NEDD4L: variants seen among roughly 807,000 people sequenced by gnomAD.
NEDD4L encodes the protein E3 ubiquitin-protein ligase NEDD4-like.
NEDD4L carries 54 observed loss-of-function variants against 148.9 expected under a neutral mutation model. That is an observed-to-expected ratio of 0.36 (90% CI 0.29 to 0.45). NEDD4L has a LOEUF of 0.45. NEDD4L is among the 20% of genes least tolerant of loss of function. The pLI is 1.00. For synonymous variants in NEDD4L, 433 were observed against 440.7 expected, an observed-to-expected ratio of 0.98 and a Z score of 0.22; for missense variants, 856 against 1,233.8, an observed-to-expected ratio of 0.69 and a Z score of 4.59.
At chr18:58,234,085 C>CT (rs1272418234) in intron 2 of NEDD4L, among the ~76,000 whole-genome samples, 8 of 95,874 alleles carry the variant, frequency 8.3e-5, no homozygotes, top group African/African-American at 2.4e-4. Flanking sequence ...TTCTTTCTTT[C>CT]TTTCTTTCTT....
At chr18:58,070,002 A>T (rs1019439293) in intron 1 of NEDD4L, among the ~76,000 whole-genome samples, 1 of 152,224 alleles carries the variant, frequency 6.6e-6, no homozygotes, top group Non-Finnish European at 1.5e-5. Flanking sequence ...GAAGGGACAG[A>T]ACAGAACTGG....
chr18:58,103,882 C>A (rs2084914130), intron 1 of NEDD4L, among the ~76,000 whole-genome samples: 1 of 152,158 alleles, frequency 6.6e-6, no homozygotes, highest in Non-Finnish European at 1.5e-5. Context: ...TAAAGCTGTC[C>A]TAGAGGACAT....
intron 2 of NEDD4L, chr18:58,195,808 C>G: frequency 1.0e-6 from 1 of 958,982 alleles, no homozygotes; most frequent in Non-Finnish European, 1.5e-6. Context: ...GTTCTCTTAC[C>G]GTGAATCCAT....
intron 2 of NEDD4L, among the ~76,000 whole-genome samples, chr18:58,230,883 C>T (rs1022367027): frequency 6.6e-6 from 1 of 152,124 alleles, no homozygotes; most frequent in African/African-American, 2.4e-5. Flanking sequence ...GACACACTAG[C>T]GTAAGACATG....
At chr18:58,117,107 G>A (rs147643273) in intron 1 of NEDD4L, among the ~76,000 whole-genome samples, 1,533 of 152,352 alleles carry the variant, frequency 0.01, 17 homozygotes, top group South Asian at 0.013. Flanking sequence ...TTTTCAGACA[G>A]ATTTTCCTCT....
chr18:58,166,665 G>A (rs1394427573), intron 2 of NEDD4L, among the ~76,000 whole-genome samples: 1 of 152,206 alleles, frequency 6.6e-6, no homozygotes, highest in Non-Finnish European at 1.5e-5. Flanking sequence ...AGTGATGTTT[G>A]AGGAGTGACA....
chr18:58,375,177 C>T (rs753960870), intron 24 of NEDD4L, among the ~76,000 whole-genome samples: 31 of 152,254 alleles, frequency 2.0e-4, no homozygotes, highest in Non-Finnish European at 3.7e-4. Context: ...TGCTGTGCCC[C>T]GTGACTCCCC....
intron 1 of NEDD4L, among the ~76,000 whole-genome samples, chr18:58,144,699 A>T (rs1371206901): frequency 6.6e-6 from 1 of 152,182 alleles, no homozygotes; most frequent in Non-Finnish European, 1.5e-5. Flanking sequence ...GATAAGGAAC[A>T]AAATAAAAAT....
intron 5 of NEDD4L, among the ~76,000 whole-genome samples, chr18:58,291,150 CAGCCCACAT>C (rs2054681248): frequency 6.7e-5 from 10 of 148,818 alleles, no homozygotes; most frequent in African/African-American, 2.5e-4. Context: ...CCAGGCCGAC[CAGCCCACAT>C]GGTCACACAG....
rs557584269 is a variant in NEDD4L, at chr18:58,319,742, A to G, written c.349-2683A>G. On this transcript the variant is annotated intron_variant, in intron 6 of 30. Coordinates refer to ENST00000400345, the MANE Select transcript of NEDD4L (RefSeq NM_001144967.3). ...CTTCTAATTCAGGCTAGAGAATTTC[A>G]ATGAACGTGAACTTTGATTTTAATG... 4.8e-4 allele frequency among the ~76,000 whole-genome samples: 73 copies of G among 152,324 alleles called. 1 individual carries two copies. In the South Asian group the frequency reaches 0.014, roughly 29 times the overall value.
chr18:58,395,551 A>G (rs1469195242), intron 30 of NEDD4L, among the ~76,000 whole-genome samples: 2 of 152,076 alleles, frequency 1.3e-5, no homozygotes, highest in African/African-American at 4.8e-5. Flanking sequence ...TTACATAGCA[A>G]ATGTCAATTT....
intron 2 of NEDD4L, chr18:58,195,785 G>A: frequency 2.3e-5 from 26 of 1,135,500 alleles, no homozygotes; most frequent in Non-Finnish European, 3.2e-5. Flanking sequence ...AGTGCCCACA[G>A]CATCAGGAGA....
At chr18:58,124,012 C>T (rs1401134638) in intron 1 of NEDD4L, among the ~76,000 whole-genome samples, 1 of 152,156 alleles carries the variant, frequency 6.6e-6, no homozygotes, top group East Asian at 1.9e-4. Flanking sequence ...TAAAAATGTC[C>T]TTACCAGTGC....
At chr18:58,323,074 T>C (rs1441767968) in intron 7 of NEDD4L, among the ~76,000 whole-genome samples, 158 bp from the exon 8 acceptor site, 3 of 80,190 alleles carry the variant, frequency 3.7e-5, no homozygotes, top group Non-Finnish European at 4.8e-5. Flanking sequence ...GTGCTGTGGG[T>C]ATGGGTGGGT....
rs747422859 is a variant in NEDD4L, at chr18:58,390,732, C to G, written c.2742C>G (p.Ala914=). ...CGCGAGTACCTATGAATGGATTTGCCGAACTTTATGGTGAGCAGGATACCA... is the reference window on the plus strand; with the variant it reads ...CGCGAGTACCTATGAATGGATTTGCGGAACTTTATGGTGAGCAGGATACCA... ...GTSRVPMNGF[A]ELYGSNGPQL... Residue 914 remains alanine, a synonymous_variant, in exon 29 of 31, where the codon GCC becomes GCG. Coordinates refer to ENST00000400345, the MANE Select transcript of NEDD4L (RefSeq NM_001144967.3). 6.3e-7 allele frequency: 1 copy of G among 1,592,776 alleles called. No homozygotes were observed. Among genetic ancestry groups the G allele is most frequent in the Admixed American group, 1.7e-5 (1 of 57,744 alleles).
At chr18:58,129,637 G>A (rs562700611) in intron 1 of NEDD4L, among the ~76,000 whole-genome samples, 19 of 152,198 alleles carry the variant, frequency 1.2e-4, no homozygotes, top group Admixed American at 2.0e-4. Flanking sequence ...AAGATTTGTC[G>A]CAGAGAAACT....
intron 5 of NEDD4L, among the ~76,000 whole-genome samples, chr18:58,300,877 A>T (rs1365424096): frequency 6.6e-6 from 1 of 152,190 alleles, no homozygotes; most frequent in South Asian, 2.1e-4. Context: ...TGATTTACAG[A>T]TTATTAGAGA....
intron 13 of NEDD4L, among the ~76,000 whole-genome samples, chr18:58,337,388 T>G (rs995257241): frequency 6.6e-6 from 1 of 152,192 alleles, no homozygotes; most frequent in African/African-American, 2.4e-5. Context: ...ACTTCCTGTC[T>G]TGCAATTCTG....
chr18:58,391,418 C>A, intron 29 of NEDD4L, 69 bp from the exon 30 acceptor site: 1 of 1,285,972 alleles, frequency 7.8e-7, no homozygotes, highest in Non-Finnish European at 1.1e-6. Context: ...AGCTGGACTG[C>A]AGACCACACC....
Sources: gnomAD v4.1 joint callset for allele counts (sites outside exome capture counted in the v4.1 genomes callset) on GRCh38, gnomAD v4.1.1 for gene constraint, MANE v1.5 for transcripts, NCBI Gene and HGNC (gene_info 2026-07-23, HGNC 2026-07-21) for gene names.